Variants in MEGF10 observed in about 807,000 individuals in gnomAD.
The protein encoded by MEGF10 is multiple epidermal growth factor-like domains protein 10.
In MEGF10, 86 loss-of-function variants were observed where a neutral mutation model predicts 147.5. The observed-to-expected ratio is 0.58, with a 90% CI of 0.49 to 0.70. The LOEUF is 0.70. Ranked by LOEUF, MEGF10 falls within the 30% of genes least tolerant of loss-of-function variation. MEGF10 has a pLI of 0.00. For missense variants in MEGF10, 1,329 were observed against 1,487.3 expected, an observed-to-expected ratio of 0.89 and a Z score of 1.75; for synonymous variants, 478 against 525.5, an observed-to-expected ratio of 0.91 and a Z score of 1.24.
At position 127,398,707 on chromosome 5, in the gene MEGF10, G is replaced by A; in HGVS notation, c.691G>A (p.Gly231Ser). The change falls in exon 7 of 25, where the codon GGT becomes AGT. Residue 231 changes from glycine (G) to serine (S), a missense_variant. Physicochemically the swap from Gly to Ser is moderately conservative, Grantham distance 56. Coordinates refer to ENST00000503335, the MANE Select transcript of MEGF10 (RefSeq NM_001256545.2). ...CEDLCPPGKH[G>S]PQCEQRCPCQ... The stretch of plus-strand genomic sequence containing the variant: ...GGATCTTTGTCCTCCTGGTAAACAT[G>A]GTCCACAGTGTGAGCAGAGATGCCC... The A allele has an allele frequency of 6.2e-7, 1 of 1,614,120 alleles. No homozygotes were observed. Among genetic ancestry groups the A allele is most frequent in the Non-Finnish European group, 8.5e-7 (1 of 1,180,004 alleles).
At chr5:127,279,013 G>A in the MEGF10 span, among the ~76,000 whole-genome samples, 1 of 152,166 alleles carries the variant, frequency 6.6e-6, no homozygotes, top group Non-Finnish European at 1.5e-5. Context: ...TTGCACCAGT[G>A]CCACCATGGA....
At chr5:127,229,457 C>T in the MEGF10 span, 1 of 151,878 alleles carries the variant, frequency 6.6e-6, no homozygotes, top group African/African-American at 2.4e-5. Context: ...CTCGCCGGGT[C>T]GAGGCCTCCC....
At chr5:127,374,435 T>C (rs1235201829) in intron 5 of MEGF10, among the ~76,000 whole-genome samples, 2 of 152,236 alleles carry the variant, frequency 1.3e-5, no homozygotes, top group Admixed American at 6.5e-5. Context: ...GGCAATAAAC[T>C]GATAACTGTT....
chr5:127,396,247 C>G (rs543874274), intron 5 of MEGF10, among the ~76,000 whole-genome samples: 1 of 152,228 alleles, frequency 6.6e-6, no homozygotes, highest in Non-Finnish European at 1.5e-5. Context: ...ACATCAAACT[C>G]CACACTCTGG....
At chr5:127,344,494 G>A (rs1400639251) in intron 4 of MEGF10, among the ~76,000 whole-genome samples, 1 of 152,106 alleles carries the variant, frequency 6.6e-6, no homozygotes, top group Non-Finnish European at 1.5e-5. Context: ...AGAATGAGAT[G>A]CTTTACCTAA....
chr5:127,229,947 C>G, the MEGF10 span: 1 of 151,920 alleles, frequency 6.6e-6, no homozygotes. Flanking sequence ...TGGCTTTATT[C>G]CTGAAAGCAA....
intron 22 of MEGF10, among the ~76,000 whole-genome samples, chr5:127,454,275 G>A (rs1184440939): frequency 6.6e-6 from 1 of 152,188 alleles, no homozygotes; most frequent in Admixed American, 6.5e-5. Flanking sequence ...TCTTTTCACT[G>A]TGCAACCTTG....
At chr5:127,328,540 G>A (rs1407224315) in intron 1 of MEGF10, among the ~76,000 whole-genome samples, 1 of 152,184 alleles carries the variant, frequency 6.6e-6, no homozygotes, top group Non-Finnish European at 1.5e-5. Context: ...CAATGCATCA[G>A]ATACAAAGCA....
chr5:127,417,792 A>G lies in MEGF10; in HGVS notation c.1285A>G (p.Thr429Ala). ...CTGTGACAGTGTGACTGGAAAGTGC[A>G]CCTGTGCCCCAGGATTCAAAGTGAG... Reference protein sequence around the residue: ...ADCDSVTGKCTCAPGFKGIDC... With the variant: ...ADCDSVTGKCACAPGFKGIDC... The change falls in exon 10 of 25, where the codon ACC becomes GCC. Residue 429 changes from threonine to alanine, a missense_variant. Physicochemically the swap from Thr to Ala is moderately conservative, Grantham distance 58. Transcript: ENST00000503335. 3.1e-6 allele frequency: 5 copies of G among 1,613,950 alleles called. No homozygotes were observed. Among genetic ancestry groups the G allele is most frequent in the Non-Finnish European group, 4.2e-6 (5 of 1,180,002 alleles).
chr5:127,420,446 C>G (rs1764953824), intron 12 of MEGF10, among the ~76,000 whole-genome samples: 1 of 152,010 alleles, frequency 6.6e-6, no homozygotes, highest in Non-Finnish European at 1.5e-5. Flanking sequence ...TCATCTTGTT[C>G]AGTTTCCTCA....
At chr5:127,439,124 C>G (rs1248316236) in intron 17 of MEGF10, among the ~76,000 whole-genome samples, 1 of 152,202 alleles carries the variant, frequency 6.6e-6, no homozygotes, top group East Asian at 1.9e-4. Context: ...AGGCTGGGAC[C>G]ATGCTTTGAG....
At chr5:127,396,431 T>C (rs745448982) in intron 5 of MEGF10, 101 bp from the exon 6 acceptor site, 15 of 1,352,720 alleles carry the variant, frequency 1.1e-5, no homozygotes, top group Non-Finnish European at 1.4e-5. Flanking sequence ...GTCCAGCTAA[T>C]GAATGGCCAT....
At chr5:127,354,746 A>G (rs2126827419) in intron 4 of MEGF10, among the ~76,000 whole-genome samples, 1 of 152,262 alleles carries the variant, frequency 6.6e-6, no homozygotes, top group East Asian at 1.9e-4. Context: ...TGTTCTTGCT[A>G]TTGTCCCCAG....
At chr5:127,434,622 C>T (rs1765495011) in intron 14 of MEGF10, 65 bp from the exon 15 acceptor site, 2 of 1,491,082 alleles carry the variant, frequency 1.3e-6, no homozygotes, top group Non-Finnish European at 1.8e-6. Context: ...TAACTAGATC[C>T]CGATCTGGAA....
At position 127,398,789 on chromosome 5, in the gene MEGF10, G is replaced by T; in HGVS notation, c.773G>T (p.Gly258Val). 6.2e-7 allele frequency: 1 copy of T among 1,613,582 alleles called. No individual in the cohort carries two copies. Among genetic ancestry groups the T allele is most frequent in the South Asian group, 1.1e-5 (1 of 91,038 alleles). ...HVTGECSCPS[G>V]WMGTVCGQPC... ...ACTGGAGAATGCTCTTGCCCTTCTG[G>T]CTGGATGGTAAGCTTCCTTCCCACC... The change falls in exon 7 of 25, where the codon GGC becomes GTC. Residue 258 changes from glycine to valine, a missense_variant. Around this residue, in one of 3 missense-constraint regions of MEGF10, gnomAD observed 980 missense variants for 1,085.9 expected, o/e 0.90. Coordinates refer to ENST00000503335, the MANE Select transcript of MEGF10 (RefSeq NM_001256545.2).
Position 127,433,521 on chromosome 5 carries a change from A to C in MEGF10, c.1840+12A>C. 6.3e-7 allele frequency: 1 copy of C among 1,582,274 alleles called. No homozygotes were observed. Among genetic ancestry groups the C allele is most frequent in the Non-Finnish European group, 8.6e-7 (1 of 1,163,440 alleles). On this transcript the variant is annotated intron_variant, in intron 14 of 24. Coordinates refer to ENST00000503335, the MANE Select transcript of MEGF10 (RefSeq NM_001256545.2). ...CACTTGTCAGAGGAGTAAGTGTCTC[A>C]TTAGGCAGTAATTTCCACCTTCCCT...
the MEGF10 span, among the ~76,000 whole-genome samples, chr5:127,277,729 G>A: frequency 1.3e-5 from 2 of 152,178 alleles, no homozygotes; most frequent in African/African-American, 4.8e-5. Flanking sequence ...GAGTAGGTTG[G>A]TGAATGTATT....
At chr5:127,259,008 A>G in the MEGF10 span, among the ~76,000 whole-genome samples, 1 of 152,206 alleles carries the variant, frequency 6.6e-6, no homozygotes, top group Non-Finnish European at 1.5e-5. Context: ...AGGGTGCCAC[A>G]GTTATACAGT....
chr5:127,279,005 G>A, the MEGF10 span, among the ~76,000 whole-genome samples: 47 of 152,274 alleles, frequency 3.1e-4, no homozygotes, highest in Middle Eastern at 3.4e-3. Flanking sequence ...ACATTAAATT[G>A]CACCAGTGCC....
Sources: gnomAD v4.1 joint callset for allele counts (sites outside exome capture counted in the v4.1 genomes callset) on GRCh38, gnomAD v4.1.1 for gene constraint, gnomAD v4.1.1 regional missense constraint, MANE v1.5 for transcripts, NCBI Gene and HGNC (gene_info 2026-07-23, HGNC 2026-07-21) for gene names.